HDHD3: variants seen among roughly 807,000 people sequenced by gnomAD.
HDHD3 encodes haloacid dehalogenase-like hydrolase domain-containing protein 3.
Under a neutral mutation model 6.9 loss-of-function variants are expected in HDHD3, and 6 were observed. That is an observed-to-expected ratio of 0.87 (90% CI 0.48 to 1.72). The LOEUF (loss-of-function observed/expected upper bound fraction) is 1.72, where lower values mean the gene tolerates loss of function less well. Among genes scored for constraint, HDHD3 ranks in the 40% most tolerant of loss-of-function variants. The pLI, the probability that HDHD3 is intolerant of heterozygous loss-of-function variation, is 0.01. For synonymous variants in HDHD3, 139 were observed against 140.7 expected, an observed-to-expected ratio of 0.99 and a Z score of 0.08; for missense variants, 308 against 327.4, an observed-to-expected ratio of 0.94 and a Z score of 0.46.
chr9:113,373,871 C>A lies in HDHD3; in HGVS notation c.484G>T (p.Ala162Ser), dbSNP rs1834391509. The A allele has an allele frequency of 6.2e-7, 1 of 1,614,268 alleles. No individual in the cohort carries two copies. Among genetic ancestry groups the A allele is most frequent in the East Asian group, 2.2e-5 (1 of 44,888 alleles). ...GGGTCCGGCTTGGGCCAGCCAGCAGCCTCGGAGGTCAGCACAAAGTCGAAG... is the reference window on the plus strand; with the variant it reads ...GGGTCCGGCTTGGGCCAGCCAGCAGACTCGGAGGTCAGCACAAAGTCGAAG... ...EHFDFVLTSE[A>S]AGWPKPDPRI... Residue 162 changes from alanine (A) to serine (S), a missense_variant, in exon 3 of 3, where the codon GCT becomes TCT. Physicochemically the swap from Ala to Ser is moderately conservative, Grantham distance 99. Transcript: ENST00000374180.
chr9:113,376,392 C>G (rs1356423220), intron 1 of HDHD3, among the ~76,000 whole-genome samples: 1 of 133,044 alleles, frequency 7.5e-6, no homozygotes, highest in Non-Finnish European at 1.6e-5. Context: ...CACTCTGTCA[C>G]CCAGGTGTAC....
At position 113,374,475 on chromosome 9, in the gene HDHD3, T is replaced by A; in HGVS notation, c.-121A>T. ...ATCACCTCTTTCCAGGCCTTGTGGG[T>A]CAGATTTGCTGGCTAACATGAAGCA... is the stretch of plus-strand genomic sequence containing the variant. On this transcript the variant is annotated 5_prime_UTR_variant, in exon 3 of 3. The change abolishes the stop of an existing upstream ORF in the 5' untranslated region. Transcript: ENST00000374180. The A allele has an allele frequency of 1.2e-6, 1 of 868,982 alleles. No homozygotes were observed. The highest frequency in any genetic ancestry group is 1.6e-6 in the Non-Finnish European group (1 of 613,836). 53.8% of individuals were successfully genotyped at this position (868,982 alleles called of 1,614,324 possible).
At position 113,376,979 on chromosome 9, in the gene HDHD3, G is replaced by A. The variant is rs1022076505; in HGVS notation, c.-541C>T. 1.3e-5 allele frequency: 2 copies of A among 152,438 alleles called. No individual in the cohort carries two copies. The highest frequency in any genetic ancestry group is 3.9e-4 in the East Asian group (2 of 5,112). The allele number at this position is 152,438 out of a possible 1,614,324, so 9.4% of individuals were successfully genotyped here. ...GCAGCCGCAAGGCCCGCGAGCTCGGGCGGAGGTGCGCAAGCGCCGGGCGGT... is the reference window on the plus strand; with the variant it reads ...GCAGCCGCAAGGCCCGCGAGCTCGGACGGAGGTGCGCAAGCGCCGGGCGGT... On this transcript the variant is annotated 5_prime_UTR_variant, in exon 1 of 3. Transcript: ENST00000374180.
rs774412177 is a variant in HDHD3 at position 113,374,188 on chromosome 9, T to G, written c.167A>C (p.Gln56Pro). The G allele has an allele frequency of 1.8e-5, 29 of 1,603,592 alleles. No homozygotes were observed. Among genetic ancestry groups the G allele is most frequent in the African/African-American group, 2.7e-5 (2 of 74,772 alleles). The change falls in exon 3 of 3, where the codon CAG becomes CCG. Residue 56 changes from glutamine (Q) to proline (P), a missense_variant. Transcript: ENST00000374180. ...GCCGTAGTTGGGGAAGCTGTGGCTC[T>G]GAGCCCTGTATGCCTGCCTGAAGCC... ...EQGFRQAYRA[Q>P]SHSFPNYGLS... is the part of the protein sequence containing the mutation.
chr9:113,376,574 C>T (rs911389070), intron 1 of HDHD3, among the ~76,000 whole-genome samples, 155 bp downstream of exon 1: 1 of 149,974 alleles, frequency 6.7e-6, no homozygotes, highest in African/African-American at 2.5e-5. Context: ...GTCTCGAACT[C>T]CCGAACTCGT....
Position 113,376,968 on chromosome 9 carries a change from C to G in HDHD3, c.-530G>C, listed in dbSNP as rs1410067910. 6.6e-6 allele frequency: 1 copy of G among 152,104 alleles called. No homozygotes were observed. The highest frequency in any genetic ancestry group is 2.1e-4 in the South Asian group (1 of 4,836). The allele number at this position is 152,104 out of a possible 1,614,324, so 9.4% of individuals were successfully genotyped here. On this transcript the variant is annotated 5_prime_UTR_variant, in exon 1 of 3. Coordinates refer to ENST00000374180, the MANE Select transcript of HDHD3 (RefSeq NM_001304509.2). ...AGATTGAAAACGCAGCCGCAAGGCC[C>G]GCGAGCTCGGGCGGAGGTGCGCAAG...
intron 2 of HDHD3, 56 bp from the exon 3 acceptor site, chr9:113,374,585 T>A (rs1834418113): frequency 2.4e-6 from 1 of 410,026 alleles, no homozygotes; most frequent in Admixed American, 3.9e-5. Flanking sequence ...TCAGACAGAC[T>A]GGGTTCAAAT....
intron 2 of HDHD3, 78 bp from the exon 3 acceptor site, chr9:113,374,607 CA>C: frequency 2.5e-6 from 1 of 395,060 alleles, no homozygotes. Context: ...CTGGTGCTGC[CA>C]ATGGTGTGAC....
At position 113,374,254 on chromosome 9, in the gene HDHD3, C is replaced by CG; in HGVS notation, c.100dup (p.Arg34ProfsTer66). ...GGGCTCCACCTCCAGCCCATGGGCCCGGGCCTTGGTGGCATAGGCCTCCCC... is the reference window on the plus strand; with the variant it reads ...GGGCTCCACCTCCAGCCCATGGGCCCGGGGCCTTGGTGGCATAGGCCTCCCC... On this transcript the variant is annotated frameshift_variant, in exon 3 of 3. Transcript: ENST00000374180. LOFTEE classifies it high-confidence loss of function. 1 of 1,601,276 alleles carries CG rather than the reference C, an allele frequency of 6.2e-7. No individual in the cohort carries two copies. Among genetic ancestry groups the CG allele is most frequent in the Non-Finnish European group, 8.5e-7 (1 of 1,172,210 alleles).
intron 2 of HDHD3, among the ~76,000 whole-genome samples, chr9:113,375,252 G>A (rs922200805): frequency 9.2e-5 from 14 of 152,330 alleles, no homozygotes; most frequent in African/African-American, 2.9e-4. Flanking sequence ...GAGTGCTCCC[G>A]TCAGTGGAAA....
chr9:113,374,478 G>A lies in HDHD3; in HGVS notation c.-124C>T. On this transcript the variant is annotated 5_prime_UTR_variant, in exon 3 of 3. Transcript: ENST00000374180. ...ACCTCTTTCCAGGCCTTGTGGGTCA[G>A]ATTTGCTGGCTAACATGAAGCACTT... 1 of 840,520 alleles carries A rather than the reference G, an allele frequency of 1.2e-6. No homozygotes were observed. Among genetic ancestry groups the A allele is most frequent in the Non-Finnish European group, 1.7e-6 (1 of 588,238 alleles). 52.1% of individuals were successfully genotyped at this position (840,520 alleles called of 1,614,324 possible).
Position 113,373,589 on chromosome 9 carries a change from C to T in HDHD3, c.*10G>A, listed in dbSNP as rs1297223533. 12 of 1,543,456 alleles carry T rather than the reference C, an allele frequency of 7.8e-6. No individual in the cohort carries two copies. In the South Asian group the frequency reaches 1.2e-4, roughly 16 times the overall value. Reference sequence around the variant, plus strand: ...CATGGCCTAGGGCCCAGCCACTTCCCTCACTGGCCTCAAAGCCCTGGAGTT... The same window carrying T: ...CATGGCCTAGGGCCCAGCCACTTCCTTCACTGGCCTCAAAGCCCTGGAGTT... On this transcript the variant is annotated 3_prime_UTR_variant, in exon 3 of 3. Transcript: ENST00000374180.
Position 113,373,700 on chromosome 9 carries a change from G to A in HDHD3, c.655C>T (p.Pro219Ser). Reference protein sequence around the residue: ...FLVVGPQALDPVVRDSVPKEH... With the variant: ...FLVVGPQALDSVVRDSVPKEH... ...TTAGGTACAGAATCCCTGACCACGG[G>A]GTCCAGTGCCTGTGGGCCAACCACC... The change falls in exon 3 of 3, where the codon CCC (proline) becomes TCC (serine). Residue 219 changes from proline to serine, a missense_variant. Transcript: ENST00000374180. 4 of 1,614,046 alleles carry A rather than the reference G, an allele frequency of 2.5e-6. No individual in the cohort carries two copies. Among genetic ancestry groups the A allele is most frequent in the Non-Finnish European group, 2.5e-6 (3 of 1,179,980 alleles).
chr9:113,374,304 C>T lies in HDHD3; in HGVS notation c.51G>A (p.Thr17=), dbSNP rs775863464. Residue 17 remains threonine (T), a synonymous_variant, in exon 3 of 3, where the codon ACG becomes ACA. Coordinates refer to ENST00000374180, the MANE Select transcript of HDHD3 (RefSeq NM_001304509.2). The stretch of plus-strand genomic sequence containing the variant: ...CTAAGGGGTGGCGGAGCCTGAGCAG[C>T]GTGTCCTTCACATCCCACGTCAGCA... ...IRLLTWDVKD[T]LLRLRHPLGE... is the part of the protein sequence containing the mutation. 1.4e-5 allele frequency: 22 copies of T among 1,535,446 alleles called. No individual in the cohort carries two copies. The highest frequency in any genetic ancestry group is 4.5e-5 in the East Asian group (2 of 44,008).
rs763044426 is a variant in HDHD3, at chr9:113,374,048, T to C, written c.307A>G (p.Lys103Glu). 6.8e-6 allele frequency: 11 copies of C among 1,613,870 alleles called. No homozygotes were observed. In the African/African-American group the frequency reaches 1.5e-4, roughly 22 times the overall value. The change falls in exon 3 of 3, where the codon AAA becomes GAA. Residue 103 changes from lysine (K) to glutamate (E), a missense_variant. Physicochemically the swap from Lys to Glu is moderately conservative, Grantham distance 56. Transcript: ENST00000374180. ...AVAPIAEQLY[K>E]DFSHPCTWQV... ...CAGGTGCAGGGGTGGCTGAAGTCTT[T>C]ATAAAGCTGTTCAGCGATGGGGGCT...
At chr9:113,374,759 T>C (rs571365869) in intron 2 of HDHD3, among the ~76,000 whole-genome samples, 1 of 152,308 alleles carries the variant, frequency 6.6e-6, no homozygotes, top group African/African-American at 2.4e-5. Context: ...CAAAGAACTA[T>C]ACAAACACTT....
Position 113,373,801 on chromosome 9 carries a change from A to G in HDHD3, c.554T>C (p.Val185Ala). The change falls in exon 3 of 3, where the codon GTA becomes GCA. Residue 185 changes from valine to alanine, a missense_variant. Coordinates refer to ENST00000374180, the MANE Select transcript of HDHD3 (RefSeq NM_001304509.2). Reference protein sequence around the residue: ...EALRLAHMEPVVAAHVGDNYL... With the variant: ...EALRLAHMEPAVAAHVGDNYL... ...ATTATCCCCAACATGGGCTGCCACTACTGGTTCCATATGAGCAAGCCGCAA... is the reference window on the plus strand; with the variant it reads ...ATTATCCCCAACATGGGCTGCCACTGCTGGTTCCATATGAGCAAGCCGCAA... 2 of 1,613,150 alleles carry G rather than the reference A, an allele frequency of 1.2e-6. No individual in the cohort carries two copies. The highest frequency in any genetic ancestry group is 1.7e-6 in the Non-Finnish European group (2 of 1,179,274).
intron 2 of HDHD3, 49 bp from the exon 3 acceptor site, chr9:113,374,578 G>C: frequency 2.4e-6 from 1 of 416,810 alleles, no homozygotes; most frequent in Non-Finnish European, 4.2e-6. Context: ...CCTGACATCA[G>C]ACAGACTGGG....
At chr9:113,375,785 C>T (rs1288997750) in intron 1 of HDHD3, 2 of 152,138 alleles carry the variant, frequency 1.3e-5, no homozygotes, top group African/African-American at 2.4e-5. Flanking sequence ...CAGACAAGGC[C>T]GTCCCCTTGA....
Sources: gnomAD v4.1 joint callset for allele counts (sites outside exome capture counted in the v4.1 genomes callset) on GRCh38, gnomAD v4.1.1 for gene constraint, MANE v1.5 for transcripts, NCBI Gene and HGNC (gene_info 2026-07-23, HGNC 2026-07-21) for gene names.